GFRA1: variants seen among roughly 807,000 people sequenced by gnomAD.
GFRA1 encodes GDNF family receptor alpha-1.
In GFRA1, 16 loss-of-function variants were observed where a neutral mutation model predicts 51.6. The observed-to-expected ratio is 0.31, with a 90% confidence interval of 0.21 to 0.47. GFRA1 has a LOEUF of 0.47. Ranked by LOEUF, GFRA1 falls within the 20% of genes least tolerant of loss-of-function variation. GFRA1 has a pLI of 1.00. For missense variants in GFRA1, 530 were observed against 594.3 expected (o/e 0.89, Z 1.13); for synonymous variants, 270 against 241.3 (o/e 1.12, Z -1.10).
intron 6 of GFRA1, among the ~76,000 whole-genome samples, chr10:116,099,421 G>C (rs968801975): frequency 5.3e-5 from 8 of 152,178 alleles, no homozygotes; most frequent in African/African-American, 1.4e-4. Context: ...CTCCAGTTGA[G>C]TCCCAACCCT....
intron 9 of GFRA1, among the ~76,000 whole-genome samples, chr10:116,075,662 A>G (rs1382920840): frequency 6.6e-6 from 1 of 152,126 alleles, no homozygotes; most frequent in Non-Finnish European, 1.5e-5. Flanking sequence ...AAAAAAATCA[A>G]CACTGGAAAC....
At chr10:116,239,196 G>T (rs539008726) in intron 4 of GFRA1, among the ~76,000 whole-genome samples, 1 of 152,266 alleles carries the variant, frequency 6.6e-6, no homozygotes, top group East Asian at 1.9e-4. Flanking sequence ...TTCAAAGCTG[G>T]TGTCTAAACA....
intron 4 of GFRA1, among the ~76,000 whole-genome samples, chr10:116,235,637 TCA>T (rs1195041050): frequency 6.6e-6 from 1 of 152,160 alleles, no homozygotes. Flanking sequence ...ATCCCTCCTG[TCA>T]CAGACTGGAG....
intron 5 of GFRA1, among the ~76,000 whole-genome samples, chr10:116,171,940 C>T (rs1270869188): frequency 1.3e-5 from 2 of 152,190 alleles, no homozygotes; most frequent in African/African-American, 4.8e-5. Context: ...AGCCCCGATA[C>T]AATCATTGCA....
intron 9 of GFRA1, among the ~76,000 whole-genome samples, chr10:116,083,249 CA>C (rs1224143306): frequency 1.3e-5 from 2 of 152,314 alleles, no homozygotes; most frequent in African/African-American, 4.8e-5. Flanking sequence ...GGGGTAAGGA[CA>C]GGGGGTGAAC....
At chr10:116,161,098 C>T (rs1278197620) in intron 5 of GFRA1, among the ~76,000 whole-genome samples, 1 of 152,172 alleles carries the variant, frequency 6.6e-6, no homozygotes, top group Non-Finnish European at 1.5e-5. Flanking sequence ...GTTGGGATGC[C>T]AACCGGGAGG....
chr10:116,080,337 GCA>G (rs1443813273), intron 9 of GFRA1, among the ~76,000 whole-genome samples: 3 of 152,116 alleles, frequency 2.0e-5, no homozygotes, highest in Admixed American at 6.5e-5. Context: ...GTGGTGGAGT[GCA>G]CAGTTTCAAC....
chr10:116,125,853 G>T (rs565260540), intron 5 of GFRA1, among the ~76,000 whole-genome samples: 7 of 152,292 alleles, frequency 4.6e-5, no homozygotes, highest in African/African-American at 1.7e-4. Context: ...GAGGCAACAG[G>T]AGAATAAGCT....
intron 5 of GFRA1, among the ~76,000 whole-genome samples, chr10:116,168,958 A>G (rs1356436957): frequency 2.6e-5 from 4 of 152,192 alleles, no homozygotes; most frequent in Non-Finnish European, 5.9e-5. Flanking sequence ...ACCCTTAGTG[A>G]TATTTAGACA....
At chr10:116,190,734 G>A (rs756862979) in intron 5 of GFRA1, among the ~76,000 whole-genome samples, 6 of 152,220 alleles carry the variant, frequency 3.9e-5, no homozygotes, top group South Asian at 2.1e-4. Context: ...AAAGAGAGAC[G>A]AAAGCTAGAT....
chr10:116,203,064 G>C (rs534464526), intron 5 of GFRA1, among the ~76,000 whole-genome samples: 1 of 152,066 alleles, frequency 6.6e-6, no homozygotes, highest in Non-Finnish European at 1.5e-5. Flanking sequence ...AGAAATGAAG[G>C]CAGGTATCAG....
intron 5 of GFRA1, among the ~76,000 whole-genome samples, chr10:116,160,346 C>G (rs1050014153): frequency 3.3e-5 from 5 of 152,208 alleles, no homozygotes; most frequent in South Asian, 2.1e-4. Flanking sequence ...TACATTCCCA[C>G]CAACATGACA....
At chr10:116,174,629 G>A (rs1390409115) in intron 5 of GFRA1, among the ~76,000 whole-genome samples, 1 of 152,060 alleles carries the variant, frequency 6.6e-6, no homozygotes, top group African/African-American at 2.4e-5. Context: ...TACCAAATGG[G>A]TTAGATTTTT....
chr10:116,205,682 TAA>T (rs1309273505), intron 5 of GFRA1, among the ~76,000 whole-genome samples: 2 of 151,428 alleles, frequency 1.3e-5, no homozygotes. Flanking sequence ...CAAAAAAATC[TAA>T]AAGTTTCCTT....
At chr10:116,157,513 C>T (rs1480338184) in intron 5 of GFRA1, among the ~76,000 whole-genome samples, 2 of 152,222 alleles carry the variant, frequency 1.3e-5, no homozygotes, top group Non-Finnish European at 2.9e-5. Flanking sequence ...AGGGATAGAG[C>T]TCTCTGTTCA....
chr10:116,149,717 T>C (rs1958986397), intron 5 of GFRA1, among the ~76,000 whole-genome samples: 1 of 152,202 alleles, frequency 6.6e-6, no homozygotes, highest in South Asian at 2.1e-4. Context: ...GGAATTGATG[T>C]AGGACTTTCC....
Position 116,065,560 on chromosome 10 carries a change from GA to G in GFRA1, c.1251+12del. 6.2e-7 allele frequency: 1 copy of G among 1,608,012 alleles called. No individual in the cohort carries two copies. The highest frequency in any genetic ancestry group is 8.5e-7 in the Non-Finnish European group (1 of 1,174,556). On this transcript the variant is annotated intron_variant, in intron 10 of 10. Coordinates refer to ENST00000355422, the MANE Select transcript of GFRA1 (RefSeq NM_005264.8). ...CTATAAATGCACGAAGCCTCCAAAA[GA>G]AACATACTTACATTGGAAATACAGA...
At chr10:116,120,756 A>G (rs1442728254) in intron 6 of GFRA1, among the ~76,000 whole-genome samples, 1 of 152,224 alleles carries the variant, frequency 6.6e-6, no homozygotes, top group African/African-American at 2.4e-5. Flanking sequence ...TTTGGAAACA[A>G]TGGCTGCATA....
chr10:116,160,721 T>C (rs1020154786), intron 5 of GFRA1, among the ~76,000 whole-genome samples: 2 of 152,214 alleles, frequency 1.3e-5, no homozygotes, highest in African/African-American at 4.8e-5. Context: ...AAAGGATGTA[T>C]TGCCTTTAAC....
Sources: allele counts gnomAD v4.1 joint callset (sites outside exome capture counted in the v4.1 genomes callset), GRCh38; gene constraint gnomAD v4.1.1; transcripts MANE v1.5; gene names NCBI Gene and HGNC (gene_info 2026-07-23, HGNC 2026-07-21).